The following KALRN variants were observed in gnomAD, a reference collection of about 807,000 sequenced individuals.
The protein encoded by KALRN is kalirin.
Under a neutral mutation model 353.7 loss-of-function variants are expected in KALRN, and 70 were observed. The observed-to-expected ratio is 0.20, with a 90% CI of 0.16 to 0.24. KALRN has a LOEUF of 0.24. Ranked by LOEUF, KALRN falls within the 10% of genes least tolerant of loss-of-function variation. The probability of loss-of-function intolerance (pLI) is 1.00; values close to 1 mark genes in which losing one functional copy is unlikely to be tolerated. For missense variants in KALRN, 2,791 were observed against 3,756.7 expected (o/e 0.74, Z 6.72); for synonymous variants, 1,391 against 1,434.8 (o/e 0.97, Z 0.69).
intron 57 of KALRN, among the ~76,000 whole-genome samples, chr3:124,708,124 T>G (rs540987769): frequency 6.6e-6 from 1 of 152,376 alleles, no homozygotes; most frequent in South Asian, 2.1e-4. Context: ...CTAACCAAGT[T>G]GATTGCTGAC....
chr3:124,052,924 G>A (rs1231661732), intron 1 of KALRN, among the ~76,000 whole-genome samples: 3 of 152,192 alleles, frequency 2.0e-5, no homozygotes, highest in African/African-American at 7.2e-5. Context: ...GGTGAGCAAA[G>A]GGAGAGAGTT....
At chr3:124,180,815 A>G (rs1168567796) in intron 1 of KALRN, among the ~76,000 whole-genome samples, 1 of 151,808 alleles carries the variant, frequency 6.6e-6, no homozygotes, top group Middle Eastern at 3.2e-3. Flanking sequence ...GCCCACGTTT[A>G]TTCATCTCTG....
At chr3:124,362,423 G>T (rs1021473195) in intron 10 of KALRN, among the ~76,000 whole-genome samples, 1 of 152,218 alleles carries the variant, frequency 6.6e-6, no homozygotes, top group African/African-American at 2.4e-5. Context: ...GAGATCTTAT[G>T]GCCTCCTGCA....
At chr3:124,468,038 G>T (rs961476944) in intron 25 of KALRN, among the ~76,000 whole-genome samples, 5 of 150,686 alleles carry the variant, frequency 3.3e-5, no homozygotes, top group Non-Finnish European at 4.4e-5. Context: ...AGGAGAAGGA[G>T]ATCGAGGGAA....
chr3:124,197,543 G>T (rs190758149), intron 1 of KALRN, among the ~76,000 whole-genome samples: 2 of 152,166 alleles, frequency 1.3e-5, no homozygotes, highest in South Asian at 4.2e-4. Context: ...ACACTTTTCC[G>T]GTTGTGGGCA....
intron 1 of KALRN, among the ~76,000 whole-genome samples, chr3:124,107,852 G>A (rs2062453048): frequency 6.6e-6 from 1 of 152,188 alleles, no homozygotes; most frequent in Middle Eastern, 3.2e-3. Flanking sequence ...CCAGCTCATA[G>A]GAAGGTCTTG....
At chr3:124,344,533 A>C (rs967331326) in intron 9 of KALRN, among the ~76,000 whole-genome samples, 1 of 152,248 alleles carries the variant, frequency 6.6e-6, no homozygotes, top group Non-Finnish European at 1.5e-5. Flanking sequence ...ACAATACTTC[A>C]TATATTAACT....
chr3:124,243,316 AG>A (rs1419812140), intron 3 of KALRN, among the ~76,000 whole-genome samples: 8 of 152,176 alleles, frequency 5.3e-5, no homozygotes, highest in Admixed American at 5.2e-4. Flanking sequence ...GACAGGTTGT[AG>A]GGAGTGGGGA....
intron 3 of KALRN, among the ~76,000 whole-genome samples, chr3:124,260,758 A>G (rs1328553931): frequency 6.6e-6 from 1 of 152,036 alleles, no homozygotes; most frequent in East Asian, 1.9e-4. Context: ...TCTCCAAGGC[A>G]CTCAGAGCTG....
intron 3 of KALRN, among the ~76,000 whole-genome samples, chr3:124,251,817 C>A (rs1320409418): frequency 6.6e-6 from 1 of 152,116 alleles, no homozygotes; most frequent in Non-Finnish European, 1.5e-5. Context: ...TGGGTGTGAC[C>A]CTGGGACCTG....
chr3:124,504,921 T>C (rs768694908), intron 33 of KALRN: 5 of 508,966 alleles, frequency 9.8e-6, no homozygotes, highest in African/African-American at 7.8e-5. Context: ...GTGGATTAGC[T>C]GGAGACAGTC....
intron 4 of KALRN, among the ~76,000 whole-genome samples, chr3:124,268,327 A>G (rs775621681): frequency 6.6e-6 from 1 of 152,206 alleles, no homozygotes; most frequent in Non-Finnish European, 1.5e-5. Flanking sequence ...TAATCCAACT[A>G]TGATGATACC....
chr3:124,556,026 G>A (rs562307789), intron 33 of KALRN, among the ~76,000 whole-genome samples: 4 of 152,208 alleles, frequency 2.6e-5, no homozygotes, highest in Admixed American at 1.3e-4. Flanking sequence ...TCTTAAAAAT[G>A]AGGAAATTTA....
rs747703778 is a variant in KALRN at position 124,657,442 on chromosome 3, C to G, written c.5863-6C>G. The G allele has an allele frequency of 1.7e-5, 27 of 1,606,216 alleles. No homozygotes were observed. The highest frequency in any genetic ancestry group is 2.0e-5 in the Non-Finnish European group (24 of 1,172,914). On this transcript the variant is annotated splice_region_variant and splice_polypyrimidine_tract_variant and intron_variant, in intron 39 of 59. Coordinates refer to ENST00000682506, the MANE Select transcript of KALRN (RefSeq NM_001388419.1). ...ATGCTACTAACCATTGCCTTTGCTG[C>G]TGCAGGGCTTCATGAAGAGAATAGA...
chr3:124,204,217 T>G (rs373326191), intron 1 of KALRN, among the ~76,000 whole-genome samples: 1 of 152,246 alleles, frequency 6.6e-6, no homozygotes, highest in East Asian at 1.9e-4. Flanking sequence ...TCTTATGCTT[T>G]TATGAGTCTG....
At chr3:124,692,048 C>A (rs1220265608) in intron 51 of KALRN, among the ~76,000 whole-genome samples, 1 of 152,188 alleles carries the variant, frequency 6.6e-6, no homozygotes, top group Non-Finnish European at 1.5e-5. Context: ...TCATCAGGTT[C>A]ATTAAACAAG....
chr3:124,148,345 A>G (rs2067645831), intron 1 of KALRN, among the ~76,000 whole-genome samples: 1 of 152,210 alleles, frequency 6.6e-6, no homozygotes, highest in Non-Finnish European at 1.5e-5. Context: ...AGGAATCTTC[A>G]TGGAGTTTGA....
At chr3:124,129,045 G>A (rs1441961656) in intron 1 of KALRN, among the ~76,000 whole-genome samples, 2 of 151,978 alleles carry the variant, frequency 1.3e-5, no homozygotes, top group African/African-American at 4.8e-5. Context: ...TGAAATTGAG[G>A]GCATAGAGGC....
At chr3:124,450,853 G>C (rs531533497) in intron 21 of KALRN, among the ~76,000 whole-genome samples, 1 of 152,030 alleles carries the variant, frequency 6.6e-6, no homozygotes, top group Non-Finnish European at 1.5e-5. Flanking sequence ...ATGAGCCACC[G>C]CGCCTGGTCT....
Sources: allele counts gnomAD v4.1 joint callset (sites outside exome capture counted in the v4.1 genomes callset), GRCh38; gene constraint gnomAD v4.1.1; transcripts MANE v1.5; gene names NCBI Gene and HGNC (gene_info 2026-07-23, HGNC 2026-07-21).